Variants in AGBL1 observed in about 807,000 individuals in gnomAD.
The protein encoded by AGBL1 is cytosolic carboxypeptidase 4.
Under a neutral mutation model 118.9 loss-of-function variants are expected in AGBL1, and 130 were observed. That is an observed-to-expected ratio of 1.09 (90% confidence interval 0.95 to 1.26). AGBL1 has a LOEUF of 1.26. Among genes scored for constraint, AGBL1 ranks in the 50% most tolerant of loss-of-function variants. The pLI, the probability that AGBL1 is intolerant of heterozygous loss-of-function variation, is 0.00. For missense variants in AGBL1, 1,584 were observed against 1,298.1 expected (o/e 1.22, Z -3.38); for synonymous variants, 555 against 478.9 (o/e 1.16, Z -2.08).
At position 86,518,738 on chromosome 15, in the gene AGBL1, C is replaced by G. The variant is rs146038578; in HGVS notation, c.2556-4072C>G. Reference sequence around the variant, plus strand: ...AAATTCCCACCTAAAAACATTCAGTCAGTGCAAAATAATTCAGTCTAGTTC... The same window carrying G: ...AAATTCCCACCTAAAAACATTCAGTGAGTGCAAAATAATTCAGTCTAGTTC... On this transcript the variant is annotated intron_variant, in intron 18 of 22. Transcript: ENST00000614907. 2.6e-3 allele frequency among the ~76,000 whole-genome samples: 397 copies of G among 152,106 alleles called. 2 individuals are homozygous for G. Among genetic ancestry groups the G allele is most frequent in the African/African-American group, 9.0e-3 (372 of 41,498 alleles).
At chr15:86,092,244 G>T (rs1197228898) in intron 1 of AGBL1, among the ~76,000 whole-genome samples, 2 of 152,104 alleles carry the variant, frequency 1.3e-5, no homozygotes, top group Non-Finnish European at 2.9e-5. Flanking sequence ...CAGAAGATTT[G>T]TCCACAACTA....
At chr15:87,002,586 G>A (rs570768892) in intron 24 of AGBL1, among the ~76,000 whole-genome samples, 14 of 152,150 alleles carry the variant, frequency 9.2e-5, no homozygotes, top group South Asian at 2.1e-4. Flanking sequence ...CCATTTTCAC[G>A]ATATTGATTC....
At chr15:86,961,327 A>G (rs1327807501) in intron 23 of AGBL1, among the ~76,000 whole-genome samples, 1 of 152,128 alleles carries the variant, frequency 6.6e-6, no homozygotes, top group East Asian at 1.9e-4. Flanking sequence ...AAAAAAGCCA[A>G]TGAGGGTCCA....
intron 21 of AGBL1, among the ~76,000 whole-genome samples, chr15:86,633,304 CAT>C (rs781263492): frequency 9.2e-5 from 14 of 152,092 alleles, no homozygotes; most frequent in Non-Finnish European, 2.1e-4. Context: ...ATCATTAAGA[CAT>C]ATCAGATTAG....
intron 17 of AGBL1, among the ~76,000 whole-genome samples, chr15:86,344,978 C>T (rs1265760819): frequency 2.0e-5 from 3 of 152,054 alleles, no homozygotes; most frequent in African/African-American, 7.2e-5. Context: ...CATAATTTTC[C>T]TACAATTAAT....
At chr15:86,634,857 T>A (rs2085050620) in intron 21 of AGBL1, among the ~76,000 whole-genome samples, 1 of 152,156 alleles carries the variant, frequency 6.6e-6, no homozygotes, top group Non-Finnish European at 1.5e-5. Context: ...TGTTGCCGCA[T>A]TTGTTTTATC....
At chr15:86,502,102 C>G (rs2142161815) in intron 18 of AGBL1, among the ~76,000 whole-genome samples, 1 of 151,626 alleles carries the variant, frequency 6.6e-6, no homozygotes, top group East Asian at 1.9e-4. Flanking sequence ...TTGAAGTGCT[C>G]TTTAATTTCT....
At chr15:86,638,611 C>A (rs1489004240) in intron 21 of AGBL1, among the ~76,000 whole-genome samples, 3 of 152,156 alleles carry the variant, frequency 2.0e-5, no homozygotes, top group Non-Finnish European at 4.4e-5. Context: ...TCTTCACATG[C>A]AGCTTCAGTG....
chr15:86,907,560 G>A lies in AGBL1; in HGVS notation c.*266G>A, dbSNP rs2141593940. ...TACTTAGAATGGGACCCAATGGGTA[G>A]CCTCAAGATTACCATGGATCCTTTC... On this transcript the variant is annotated 3_prime_UTR_variant, in exon 23 of 23. Coordinates refer to ENST00000614907, the MANE Select transcript of AGBL1 (RefSeq NM_001386094.1). 1 of 152,278 alleles carries A rather than the reference G, an allele frequency of 6.6e-6. No individual in the cohort carries two copies. The highest frequency in any genetic ancestry group is 1.9e-4 in the East Asian group (1 of 5,168). 9.4% of individuals were successfully genotyped at this position (152,278 alleles called of 1,614,324 possible).
chr15:86,544,523 G>A (rs1182396856), intron 19 of AGBL1, among the ~76,000 whole-genome samples: 1 of 152,190 alleles, frequency 6.6e-6, no homozygotes, highest in Non-Finnish European at 1.5e-5. Context: ...CCACATGGCT[G>A]GGGAGGCCTC....
At chr15:86,478,469 A>T (rs1363328277) in intron 18 of AGBL1, among the ~76,000 whole-genome samples, 4 of 152,226 alleles carry the variant, frequency 2.6e-5, no homozygotes, top group African/African-American at 9.6e-5. Context: ...TCATGAGTGA[A>T]CTGCCATTCA....
At chr15:86,408,274 T>C (rs2081560874) in intron 18 of AGBL1, among the ~76,000 whole-genome samples, 1 of 152,156 alleles carries the variant, frequency 6.6e-6, no homozygotes, top group African/African-American at 2.4e-5. Context: ...AATGACAAGA[T>C]GGGGGAGTAA....
chr15:86,524,289 C>T lies in AGBL1; in HGVS notation c.2685+1350C>T, dbSNP rs115040373. ...GGGGAGCTCCATGACTATCCGCAGGCTCAGTGATTCCTTAGAAGGACTCAC... is the reference window on the plus strand; with the variant it reads ...GGGGAGCTCCATGACTATCCGCAGGTTCAGTGATTCCTTAGAAGGACTCAC... On this transcript the variant is annotated intron_variant, in intron 19 of 22. Coordinates refer to ENST00000614907, the MANE Select transcript of AGBL1 (RefSeq NM_001386094.1). 4.4e-3 allele frequency among the ~76,000 whole-genome samples: 676 copies of T among 152,284 alleles called. 4 individuals carry two copies. Among genetic ancestry groups the T allele is most frequent in the African/African-American group, 0.016 (650 of 41,548 alleles).
intron 19 of AGBL1, among the ~76,000 whole-genome samples, 197 bp downstream of exon 19, chr15:86,523,136 C>A (rs2346740): frequency 0.68 from 103,596 of 152,164 alleles, 37,245 homozygotes; most frequent in African/African-American, 0.93. Context: ...TGTGTAATGC[C>A]AGAGAAACTT....
chr15:86,408,181 G>T (rs1452553170), intron 18 of AGBL1, among the ~76,000 whole-genome samples: 1 of 152,118 alleles, frequency 6.6e-6, no homozygotes, highest in Non-Finnish European at 1.5e-5. Flanking sequence ...ACAAGCTGAA[G>T]AACCTGTAGG....
At chr15:86,779,838 A>G (rs1307015081) in intron 22 of AGBL1, among the ~76,000 whole-genome samples, 2 of 152,004 alleles carry the variant, frequency 1.3e-5, no homozygotes, top group East Asian at 3.9e-4. Flanking sequence ...TGAAGAGCCT[A>G]TTCAAACTTT....
chr15:86,770,344 A>G lies in AGBL1; in HGVS notation c.3158+95908A>G, dbSNP rs935257965. ...ATCCCCGCACAGGAGACATTTGGCAATGTCTGGACACGGTTTTTTTATCTT... is the reference window on the plus strand; with the variant it reads ...ATCCCCGCACAGGAGACATTTGGCAGTGTCTGGACACGGTTTTTTTATCTT... On this transcript the variant is annotated intron_variant, in intron 22 of 22. Coordinates refer to ENST00000614907, the MANE Select transcript of AGBL1 (RefSeq NM_001386094.1). Among the ~76,000 whole-genome samples the G allele has an allele frequency of 4.6e-5, 7 of 152,014 alleles. No homozygotes were observed. The South Asian group carries it at 1.0e-3, about 22-fold the overall frequency.
chr15:86,369,318 T>A (rs1246773609), intron 17 of AGBL1, among the ~76,000 whole-genome samples: 5 of 152,212 alleles, frequency 3.3e-5, no homozygotes, highest in Admixed American at 6.5e-5. Context: ...TAAAATATGT[T>A]AAAATTTTTG....
intron 24 of AGBL1, among the ~76,000 whole-genome samples, chr15:87,008,252 C>G (rs1055556807): frequency 1.3e-5 from 2 of 152,166 alleles, no homozygotes; most frequent in African/African-American, 2.4e-5. Flanking sequence ...GGGAGGGACC[C>G]AGTGGGAGGT....
Sources: gnomAD v4.1 joint callset for allele counts (sites outside exome capture counted in the v4.1 genomes callset) on GRCh38, gnomAD v4.1.1 for gene constraint, MANE v1.5 for transcripts, NCBI Gene and HGNC (gene_info 2026-07-23, HGNC 2026-07-21) for gene names.